The following CCDC7 variants were observed in gnomAD, a reference collection of about 807,000 sequenced individuals.
CCDC7 encodes coiled-coil domain-containing protein 7.
In CCDC7, 183 loss-of-function variants were observed where a neutral mutation model predicts 196.9. That is an observed-to-expected ratio of 0.93 (90% CI 0.82 to 1.05). CCDC7 has a LOEUF of 1.05. Ranked by LOEUF, CCDC7 falls within the 50% of genes least tolerant of loss-of-function variation. The probability of loss-of-function intolerance (pLI) is 0.00; values close to 1 mark genes in which losing one functional copy is unlikely to be tolerated. For synonymous variants in CCDC7, 525 were observed against 484.6 expected (o/e 1.08, Z -1.10); for missense variants, 1,540 against 1,482.2 (o/e 1.04, Z -0.64).
At chr10:32,669,713 A>T (rs891388034) in intron 21 of CCDC7, among the ~76,000 whole-genome samples, 3 of 152,052 alleles carry the variant, frequency 2.0e-5, no homozygotes, top group African/African-American at 4.8e-5. Context: ...TCTCTGTGTC[A>T]TCAGTTGTGA....
intron 21 of CCDC7, among the ~76,000 whole-genome samples, chr10:32,677,980 A>G (rs1376402142): frequency 6.6e-6 from 1 of 151,936 alleles, no homozygotes; most frequent in Non-Finnish European, 1.5e-5. Flanking sequence ...CTTCTGCTTG[A>G]TAAAGTCTGC....
intron 18 of CCDC7, among the ~76,000 whole-genome samples, chr10:32,598,644 CT>C (rs2060673200): frequency 6.6e-6 from 1 of 152,180 alleles, no homozygotes; most frequent in Non-Finnish European, 1.5e-5. Context: ...AAGATATTTT[CT>C]AATTTACCTT....
chr10:32,603,351 T>C lies in CCDC7; in HGVS notation c.1801+19047T>C, dbSNP rs559317472. ...CATGTTTTCTTTATCCATTCATCCA[T>C]TGATGGACACTTAGCTTGATTTCAT... is the stretch of plus-strand genomic sequence containing the variant. On this transcript the variant is annotated intron_variant, in intron 18 of 41. Transcript: ENST00000639629. 1.4e-4 allele frequency among the ~76,000 whole-genome samples: 22 copies of C among 152,268 alleles called. 1 individual carries two copies. The South Asian group carries it at 4.2e-3, about 29-fold the overall frequency.
chr10:32,669,385 A>G (rs2073572726), intron 21 of CCDC7, among the ~76,000 whole-genome samples: 1 of 152,130 alleles, frequency 6.6e-6, no homozygotes, highest in South Asian at 2.1e-4. Context: ...GGTATCAGTA[A>G]TGCTGGCCTC....
intron 9 of CCDC7, among the ~76,000 whole-genome samples, chr10:32,499,937 C>T (rs1435483482): frequency 3.3e-5 from 5 of 152,224 alleles, no homozygotes; most frequent in Non-Finnish European, 7.3e-5. Flanking sequence ...TATAGATTAA[C>T]AGCATCCCAA....
chr10:32,496,277 A>G (rs1376679790), intron 9 of CCDC7, among the ~76,000 whole-genome samples: 1 of 152,114 alleles, frequency 6.6e-6, no homozygotes, highest in East Asian at 1.9e-4. Context: ...GCTTAAGGAG[A>G]TTTTGGGCTG....
At chr10:32,676,530 A>C (rs897679901) in intron 21 of CCDC7, among the ~76,000 whole-genome samples, 1 of 152,066 alleles carries the variant, frequency 6.6e-6, no homozygotes, top group African/African-American at 2.4e-5. Context: ...CAAGAAAAAA[A>C]CAAACAACCC....
chr10:32,475,972 C>G (rs1413640159), intron 8 of CCDC7, among the ~76,000 whole-genome samples: 1 of 152,164 alleles, frequency 6.6e-6, no homozygotes, highest in African/African-American at 2.4e-5. Context: ...TGCAGTCCCC[C>G]CATTCCCGCA....
At chr10:32,802,749 G>A (rs1249253292) in intron 29 of CCDC7, among the ~76,000 whole-genome samples, 2 of 152,200 alleles carry the variant, frequency 1.3e-5, no homozygotes, top group Non-Finnish European at 2.9e-5. Context: ...AAAACTACTG[G>A]TGTAGGTCCA....
At chr10:32,666,421 C>A (rs1164962932) in intron 21 of CCDC7, among the ~76,000 whole-genome samples, 2 of 152,018 alleles carry the variant, frequency 1.3e-5, no homozygotes, top group Non-Finnish European at 2.9e-5. Context: ...TACATGTACA[C>A]AACGTGCAGG....
intron 24 of CCDC7, among the ~76,000 whole-genome samples, chr10:32,703,336 A>T (rs1008877378): frequency 1.3e-5 from 2 of 152,062 alleles, no homozygotes; most frequent in Non-Finnish European, 2.9e-5. Context: ...AATGTTGAAT[A>T]TTGGCCCCCA....
intron 25 of CCDC7, among the ~76,000 whole-genome samples, chr10:32,717,338 A>G (rs561897516): frequency 1.5e-4 from 23 of 152,238 alleles, no homozygotes; most frequent in Non-Finnish European, 2.6e-4. Context: ...ACCAATGAGA[A>G]CAAAGACACA....
chr10:32,844,395 T>C (rs1372718658), intron 33 of CCDC7, among the ~76,000 whole-genome samples: 1 of 151,938 alleles, frequency 6.6e-6, no homozygotes, highest in Non-Finnish European at 1.5e-5. Context: ...TTTTTCTACA[T>C]TATTGATACA....
At chr10:32,774,873 T>C (rs1232183044) in intron 28 of CCDC7, among the ~76,000 whole-genome samples, 1 of 152,162 alleles carries the variant, frequency 6.6e-6, no homozygotes, top group Non-Finnish European at 1.5e-5. Context: ...GGATGAGATT[T>C]TGTGGGAAAT....
Position 32,772,771 on chromosome 10 carries a change from G to A in CCDC7, c.2906-6206G>A, listed in dbSNP as rs1421755769. 2.0e-5 allele frequency among the ~76,000 whole-genome samples: 3 copies of A among 152,320 alleles called. No homozygotes were observed. In the East Asian group the frequency reaches 5.8e-4, roughly 29 times the overall value. On this transcript the variant is annotated intron_variant, in intron 28 of 41. Coordinates refer to ENST00000639629, the Ensembl canonical transcript of CCDC7. ...CCAAGTCAGTTCCTGCACTGGGTGAGATTAGGGCCTTCCCTGGTGATATGG... is the reference window on the plus strand; with the variant it reads ...CCAAGTCAGTTCCTGCACTGGGTGAAATTAGGGCCTTCCCTGGTGATATGG...
At chr10:32,511,497 G>T in intron 9 of CCDC7, 1 of 1,604,130 alleles carries the variant, frequency 6.2e-7, no homozygotes, top group Non-Finnish European at 8.5e-7. Flanking sequence ...TGTTTTACTG[G>T]ATGTTCCTTA....
intron 3 of CCDC7, among the ~76,000 whole-genome samples, chr10:32,457,542 C>T (rs1324809131): frequency 6.6e-6 from 1 of 152,104 alleles, no homozygotes; most frequent in African/African-American, 2.4e-5. Context: ...TGTGGATATA[C>T]ACCCAGTAGT....
At chr10:32,587,131 A>C (rs1375082757) in intron 18 of CCDC7, among the ~76,000 whole-genome samples, 1 of 152,230 alleles carries the variant, frequency 6.6e-6, no homozygotes, top group Non-Finnish European at 1.5e-5. Flanking sequence ...TTACATTCAC[A>C]GTGTTGTGCA....
intron 29 of CCDC7, among the ~76,000 whole-genome samples, chr10:32,790,005 G>A (rs2082445504): frequency 6.6e-6 from 1 of 152,214 alleles, no homozygotes; most frequent in Admixed American, 6.5e-5. Context: ...GAGCACACTT[G>A]GGTGGGGGTT....
Sources: gnomAD v4.1 joint callset for allele counts (sites outside exome capture counted in the v4.1 genomes callset) on GRCh38, gnomAD v4.1.1 for gene constraint, MANE v1.5 for transcripts, NCBI Gene and HGNC (gene_info 2026-07-23, HGNC 2026-07-21) for gene names.